Variants in OMA1 observed in about 807,000 individuals in gnomAD.
OMA1 encodes OMA1 zinc metallopeptidase, also known as metalloendopeptidase OMA1, mitochondrial.
Under a neutral mutation model 30.9 loss-of-function variants are expected in OMA1, and 38 were observed. The observed-to-expected ratio is 1.23, with a 90% CI of 0.95 to 1.61. The LOEUF (loss-of-function observed/expected upper bound fraction) is 1.61. Among genes scored for constraint, OMA1 ranks in the 40% most tolerant of loss-of-function variants. OMA1 has a pLI of 0.00. For synonymous variants in OMA1, 173 were observed against 121.9 expected (o/e 1.42, Z -2.76); for missense variants, 461 against 349.2 (o/e 1.32, Z -2.55).
rs780255368 is a variant in OMA1, at chr1:58,539,045, T to C, written c.250A>G (p.Ser84Gly). The change falls in exon 2 of 9, where the codon AGT becomes GGT. Residue 84 changes from serine to glycine, a missense_variant. Ser to Gly is a moderately conservative substitution (Grantham distance 56). Transcript: ENST00000371226. ...FNNKRTGGLS[S>G]TKSKEIWRIT... ...CTCCAAATTTCCTTACTTTTGGTAC[T>C]TGAGAGGCCTCCTGTTCTTTTGTTG... The C allele has an allele frequency of 1.1e-6, 1 of 872,970 alleles. No individual in the cohort carries two copies. Among genetic ancestry groups the C allele is most frequent in the South Asian group, 1.3e-5 (1 of 76,550 alleles). 54.1% of individuals were successfully genotyped at this position (872,970 alleles called of 1,614,324 possible). A position where few individuals can be genotyped will look rare whatever the true frequency, so the allele number is the denominator to read the frequency against.
intron 1 of OMA1, among the ~76,000 whole-genome samples, 199 bp from the exon 2 acceptor site, chr1:58,539,509 T>C (rs1241896280): frequency 6.6e-6 from 1 of 151,732 alleles, no homozygotes; most frequent in Non-Finnish European, 1.5e-5. Context: ...ATATTTACTA[T>C]GCAACGTTTA....
At chr1:58,538,714 T>G in intron 2 of OMA1, 81 bp downstream of exon 2, 1 of 609,946 alleles carries the variant, frequency 1.6e-6, no homozygotes, top group Non-Finnish European at 2.8e-6. Flanking sequence ...AAAAAATTAA[T>G]TTCTAAAAGT....
chr1:58,495,106 C>T (rs1224584463), intron 8 of OMA1, among the ~76,000 whole-genome samples: 2 of 152,132 alleles, frequency 1.3e-5, no homozygotes, highest in Admixed American at 6.6e-5. Context: ...AGGATGAGTT[C>T]ATGTCCTTTG....
intron 8 of OMA1, among the ~76,000 whole-genome samples, chr1:58,493,042 G>C (rs1339094529): frequency 1.3e-5 from 2 of 152,136 alleles, no homozygotes; most frequent in African/African-American, 4.8e-5. Context: ...ACCAAATCCA[G>C]CAGCACATCG....
intron 8 of OMA1, among the ~76,000 whole-genome samples, chr1:58,490,795 CTTTTTTTTTTTTTTTTTTT>C (rs148145860): frequency 5.1e-5 from 3 of 59,244 alleles, no homozygotes; most frequent in East Asian, 1.4e-3. Flanking sequence ...AGTCAACATT[CTTTTTTTTTTTTTTTTTTT>C]TTTTTTTTTT....
intron 5 of OMA1, 44 bp downstream of exon 5, chr1:58,533,909 C>T: frequency 1.2e-6 from 1 of 849,938 alleles, no homozygotes; most frequent in Non-Finnish European, 2.1e-6. Context: ...TTGTTAACTT[C>T]AAAGCAGTTT....
chr1:58,539,449 C>T (rs1308107117), intron 1 of OMA1, 139 bp from the exon 2 acceptor site: 1 of 590,120 alleles, frequency 1.7e-6, no homozygotes, highest in South Asian at 2.2e-5. Flanking sequence ...CAACTCATCA[C>T]CCCTAGAGCA....
intron 1 of OMA1, among the ~76,000 whole-genome samples, chr1:58,544,869 T>C (rs952388710): frequency 3.1e-4 from 47 of 152,190 alleles, no homozygotes; most frequent in Admixed American, 2.9e-3. Context: ...GTTGGGATTA[T>C]AGGCCTGAGC....
At chr1:58,489,188 C>T (rs1374954569) in intron 8 of OMA1, among the ~76,000 whole-genome samples, 2 of 152,200 alleles carry the variant, frequency 1.3e-5, no homozygotes, top group African/African-American at 2.4e-5. Context: ...AATTCCCTTT[C>T]CTAGCCAAGG....
At chr1:58,536,452 T>C in intron 3 of OMA1, 61 bp downstream of exon 3, 1 of 742,676 alleles carries the variant, frequency 1.3e-6, no homozygotes, top group South Asian at 1.6e-5. Context: ...ACATTTAAGA[T>C]ACTTTCCTAC....
intron 1 of OMA1, among the ~76,000 whole-genome samples, chr1:58,546,021 A>ATC (rs1646697358): frequency 6.6e-6 from 1 of 152,216 alleles, no homozygotes; most frequent in Admixed American, 6.5e-5. Context: ...AGGGATTTTC[A>ATC]TCTCCCTGGA....
At chr1:58,512,313 T>A (rs944399771) in intron 7 of OMA1, among the ~76,000 whole-genome samples, 1 of 152,156 alleles carries the variant, frequency 6.6e-6, no homozygotes, top group African/African-American at 2.4e-5. Flanking sequence ...GAACATAAAA[T>A]GGTGTGGACT....
intron 8 of OMA1, among the ~76,000 whole-genome samples, chr1:58,499,675 T>C (rs374343000): frequency 6.6e-6 from 1 of 152,206 alleles, no homozygotes; most frequent in Non-Finnish European, 1.5e-5. Flanking sequence ...AAAGTAAGTA[T>C]GTGAGGTGAT....
chr1:58,489,762 G>A (rs1645645083), intron 8 of OMA1, among the ~76,000 whole-genome samples: 1 of 152,182 alleles, frequency 6.6e-6, no homozygotes, highest in South Asian at 2.1e-4. Context: ...GGAATGATGA[G>A]GCAGCAACAT....
chr1:58,514,375 C>A (rs776215919), intron 7 of OMA1, among the ~76,000 whole-genome samples: 1 of 152,180 alleles, frequency 6.6e-6, no homozygotes, highest in East Asian at 1.9e-4. Flanking sequence ...ATAAATAGAT[C>A]TAGACCAAGT....
chr1:58,535,046 C>T (rs558576546), intron 3 of OMA1, among the ~76,000 whole-genome samples: 101 of 152,150 alleles, frequency 6.6e-4, no homozygotes, highest in African/African-American at 2.4e-3. Context: ...CACCCTATAC[C>T]TAATAAGAAA....
At chr1:58,485,392 T>G (rs992069952) in intron 8 of OMA1, among the ~76,000 whole-genome samples, 10 of 152,008 alleles carry the variant, frequency 6.6e-5, no homozygotes, top group Admixed American at 5.2e-4. Flanking sequence ...ATAAATGTAC[T>G]TTGGAGATGT....
chr1:58,491,042 C>T (rs1400713529), intron 8 of OMA1, among the ~76,000 whole-genome samples: 1 of 151,794 alleles, frequency 6.6e-6, no homozygotes, highest in Non-Finnish European at 1.5e-5. Flanking sequence ...CTCCTGACCT[C>T]GTGATCCACC....
chr1:58,528,854 TA>T lies in OMA1; in HGVS notation c.1141-1520del, dbSNP rs1284509292. 2.6e-5 allele frequency among the ~76,000 whole-genome samples: 4 copies of T among 152,332 alleles called. No individual in the cohort carries two copies. The East Asian group carries it at 7.7e-4, about 29-fold the overall frequency. On this transcript the variant is annotated intron_variant, in intron 6 of 8. Transcript: ENST00000371226. Reference sequence around the variant, plus strand: ...CCAAAATTATTGAGGGGCCTTGATTTAGGAAAAAATAATTCAAATAGAATCA... The same window carrying T: ...CCAAAATTATTGAGGGGCCTTGATTTGGAAAAAATAATTCAAATAGAATCA...
Sources: gnomAD v4.1 joint callset for allele counts (sites outside exome capture counted in the v4.1 genomes callset) on GRCh38, gnomAD v4.1.1 for gene constraint, MANE v1.5 for transcripts, NCBI Gene and HGNC (gene_info 2026-07-23, HGNC 2026-07-21) for gene names.